The following CHSY3 variants were observed in gnomAD, a reference collection of about 807,000 sequenced individuals.
CHSY3 encodes chondroitin sulfate synthase 3, also known as N-acetylgalactosaminyl-proteoglycan 3-beta-glucuronosyltransferase 3.
CHSY3 carries 35 observed loss-of-function variants against 67.2 expected under a neutral mutation model. That is an observed-to-expected ratio of 0.52 (90% confidence interval 0.40 to 0.69). The LOEUF is 0.69. Among genes scored for constraint, CHSY3 ranks in the 30% least tolerant of loss-of-function variants. The probability of loss-of-function intolerance (pLI) is 0.00; values close to 1 mark genes in which losing one functional copy is unlikely to be tolerated. For synonymous variants in CHSY3, 474 were observed against 434.7 expected, an observed-to-expected ratio of 1.09 and a Z score of -1.12; for missense variants, 1,069 against 1,138.5, an observed-to-expected ratio of 0.94 and a Z score of 0.88.
intron 2 of CHSY3, among the ~76,000 whole-genome samples, chr5:130,042,634 C>T (rs1765037248): frequency 6.6e-6 from 1 of 151,966 alleles, no homozygotes; most frequent in Admixed American, 6.6e-5. Flanking sequence ...ATTTTTTAAC[C>T]ATGGTGCATT....
chr5:130,135,770 A>G (rs1268213781), intron 2 of CHSY3, among the ~76,000 whole-genome samples: 1 of 152,204 alleles, frequency 6.6e-6, no homozygotes, highest in Admixed American at 6.5e-5. Flanking sequence ...TGTCTTGATT[A>G]TATATTTCCT....
chr5:130,166,195 A>C (rs1291936628), intron 2 of CHSY3, among the ~76,000 whole-genome samples: 2 of 152,162 alleles, frequency 1.3e-5, no homozygotes, highest in Non-Finnish European at 2.9e-5. Flanking sequence ...TTATAGAATT[A>C]AAAATAATTC....
intron 2 of CHSY3, among the ~76,000 whole-genome samples, chr5:130,100,243 G>A (rs188722240): frequency 1.0e-3 from 158 of 152,048 alleles, no homozygotes; most frequent in African/African-American, 3.4e-3. Flanking sequence ...GTGCAGTCGC[G>A]CGATCTCCGC....
At chr5:130,143,784 G>GTGTATATATA (rs1179526892) in intron 2 of CHSY3, among the ~76,000 whole-genome samples, 1 of 73,844 alleles carries the variant, frequency 1.4e-5, no homozygotes, top group African/African-American at 6.2e-5. Context: ...ATATATATGT[G>GTGTATATATA]TATATATATA....
intron 2 of CHSY3, among the ~76,000 whole-genome samples, chr5:129,912,297 T>C (rs571944222): frequency 6.6e-6 from 1 of 152,284 alleles, no homozygotes; most frequent in East Asian, 1.9e-4. Flanking sequence ...CTAAATTAAT[T>C]GCCAGAACAA....
chr5:130,012,224 C>G (rs1016565914), intron 2 of CHSY3, among the ~76,000 whole-genome samples: 1 of 152,136 alleles, frequency 6.6e-6, no homozygotes, highest in South Asian at 2.1e-4. Flanking sequence ...AGCAAAACAG[C>G]GTGGTACTGA....
At chr5:130,176,638 AT>A (rs1770061837) in intron 2 of CHSY3, among the ~76,000 whole-genome samples, 2 of 152,240 alleles carry the variant, frequency 1.3e-5, no homozygotes, top group African/African-American at 4.8e-5. Context: ...TGTCACACAT[AT>A]ACACCATGGA....
intron 2 of CHSY3, among the ~76,000 whole-genome samples, chr5:130,137,352 GATT>G (rs1768699082): frequency 6.6e-6 from 1 of 152,092 alleles, no homozygotes; most frequent in Non-Finnish European, 1.5e-5. Context: ...GGTATGTGAA[GATT>G]ATTATGACCT....
chr5:130,158,582 A>G (rs1419824954), intron 2 of CHSY3, among the ~76,000 whole-genome samples: 1 of 152,164 alleles, frequency 6.6e-6, no homozygotes, highest in Non-Finnish European at 1.5e-5. Flanking sequence ...AAAGTGCCCA[A>G]TATTATGCTC....
chr5:130,082,163 C>A (rs981604894), intron 2 of CHSY3, among the ~76,000 whole-genome samples: 1 of 151,976 alleles, frequency 6.6e-6, no homozygotes, highest in Admixed American at 6.6e-5. Flanking sequence ...TGTCTCCAAA[C>A]CCCATCTCCA....
rs142478378 is a variant in CHSY3 at position 130,163,558 on chromosome 5, A to G, written c.1087-20671A>G. Among the ~76,000 whole-genome samples the G allele has an allele frequency of 9.9e-3, 1,501 of 152,270 alleles. 29 individuals are homozygous for G. The highest frequency in any genetic ancestry group is 0.034 in the African/African-American group (1,428 of 41,552). Reference sequence around the variant, plus strand: ...TTCTAAATTATTCTCTGAGGAAAAAAAAATCTATTTTTCTCGAGAAAACCT... The same window carrying G: ...TTCTAAATTATTCTCTGAGGAAAAAGAAATCTATTTTTCTCGAGAAAACCT... On this transcript the variant is annotated intron_variant, in intron 2 of 2. Transcript: ENST00000305031.
At chr5:130,101,807 G>A (rs894025995) in intron 2 of CHSY3, among the ~76,000 whole-genome samples, 2 of 151,922 alleles carry the variant, frequency 1.3e-5, no homozygotes, top group Admixed American at 6.6e-5. Flanking sequence ...TCAATACTTC[G>A]ATTCATAAAG....
intron 2 of CHSY3, among the ~76,000 whole-genome samples, chr5:130,076,325 T>A (rs896785466): frequency 6.6e-6 from 1 of 151,584 alleles, no homozygotes; most frequent in African/African-American, 2.4e-5. Flanking sequence ...TTTTTTTTTT[T>A]CTCCAAAATC....
At position 129,940,902 on chromosome 5, in the gene CHSY3, C is replaced by T. The variant is rs139220819; in HGVS notation, c.1086+32542C>T. ...TGCAGGCTAATGTAAGTGTTCTGGA[C>T]GCATTGAAGGTAGACTATGCTAAGC... On this transcript the variant is annotated intron_variant, in intron 2 of 2. Transcript: ENST00000305031. Among the ~76,000 whole-genome samples the T allele has an allele frequency of 7.0e-4, 106 of 152,118 alleles. No homozygotes were observed. The East Asian group carries it at 0.013, about 18-fold the overall frequency.
intron 2 of CHSY3, among the ~76,000 whole-genome samples, chr5:130,075,990 C>T (rs1424486279): frequency 1.3e-5 from 2 of 152,144 alleles, no homozygotes; most frequent in East Asian, 3.9e-4. Flanking sequence ...ACCCTTCCCT[C>T]ATTCTGCATA....
intron 2 of CHSY3, among the ~76,000 whole-genome samples, chr5:129,950,264 T>C (rs1761987927): frequency 6.6e-6 from 1 of 151,668 alleles, no homozygotes. Flanking sequence ...ATATTAGGTG[T>C]AAAGAAATGT....
chr5:129,962,798 G>A (rs1175120866), intron 2 of CHSY3, among the ~76,000 whole-genome samples: 2 of 151,934 alleles, frequency 1.3e-5, no homozygotes, highest in Non-Finnish European at 2.9e-5. Flanking sequence ...TTCAAGGATT[G>A]CATTCAAATG....
intron 2 of CHSY3, among the ~76,000 whole-genome samples, chr5:129,916,751 A>T (rs900051602): frequency 6.6e-6 from 1 of 152,236 alleles, no homozygotes; most frequent in African/African-American, 2.4e-5. Flanking sequence ...TTTTATCAGC[A>T]GTAAACAACA....
chr5:130,033,653 A>G (rs1485077882), intron 2 of CHSY3, among the ~76,000 whole-genome samples: 1 of 152,136 alleles, frequency 6.6e-6, no homozygotes, highest in Non-Finnish European at 1.5e-5. Flanking sequence ...AACAAACCCC[A>G]CTGATAAATG....
Sources: gnomAD v4.1 joint callset for allele counts (sites outside exome capture counted in the v4.1 genomes callset) on GRCh38, gnomAD v4.1.1 for gene constraint, MANE v1.5 for transcripts, NCBI Gene and HGNC (gene_info 2026-07-23, HGNC 2026-07-21) for gene names.